The following CPLANE1 variants were observed in gnomAD, a reference collection of about 807,000 sequenced individuals.
CPLANE1 encodes the protein ciliogenesis and planar polarity effector 1.
In CPLANE1, 263 loss-of-function variants were observed where a neutral mutation model predicts 362.5. The ratio of observed to expected loss-of-function variants is 0.73; its 90% CI spans 0.66 to 0.80. The LOEUF (loss-of-function observed/expected upper bound fraction) is 0.80. Ranked by LOEUF, CPLANE1 falls within the 30% of genes least tolerant of loss-of-function variation. The pLI, the probability that CPLANE1 is intolerant of heterozygous loss-of-function variation, is 0.00. For missense variants in CPLANE1, 3,461 were observed against 3,793.4 expected (o/e 0.91, Z 2.30); for synonymous variants, 1,212 against 1,302.6 (o/e 0.93, Z 1.50).
intron 41 of CPLANE1, among the ~76,000 whole-genome samples, chr5:37,154,206 G>T (rs966948854): frequency 2.6e-5 from 4 of 152,112 alleles, no homozygotes; most frequent in African/African-American, 9.7e-5. Context: ...AAACAAGGAA[G>T]TCTGAATATT....
Position 37,183,690 on chromosome 5 carries a change from T to C in CPLANE1, c.4491A>G (p.Pro1497=). ...GAATTGATGTTAATTCCATGTGATT[T>C]GGGGCATTTCTATAGCAAAAAAATA... The part of the protein sequence containing the change: ...SRINIYQRNA[P]NHMELTSIHK... The change falls in exon 26 of 53, where the codon CCA becomes CCG. Residue 1497 remains proline, a synonymous_variant. Coordinates refer to ENST00000651892, the MANE Select transcript of CPLANE1 (RefSeq NM_001384732.1). 6.4e-7 allele frequency: 1 copy of C among 1,572,252 alleles called. No homozygotes were observed. Among genetic ancestry groups the C allele is most frequent in the Non-Finnish European group, 8.6e-7 (1 of 1,164,186 alleles).
chr5:37,168,863 G>A lies in CPLANE1; in HGVS notation c.7161C>T (p.Ile2387=). 6.2e-7 allele frequency: 1 copy of A among 1,614,024 alleles called. No homozygotes were observed. The highest frequency in any genetic ancestry group is 8.5e-7 in the Non-Finnish European group (1 of 1,179,924). Residue 2387 remains isoleucine, a synonymous_variant, in exon 34 of 53, where the codon ATC becomes ATT. Coordinates refer to ENST00000651892, the MANE Select transcript of CPLANE1 (RefSeq NM_001384732.1). ...RASITVPSTP[I]QPIAEERKYP... is the part of the protein sequence containing the mutation. The stretch of plus-strand genomic sequence containing the variant: ...ATTTTCTTTCTTCTGCTATAGGTTG[G>A]ATAGGTGTTGAGGGAACTGTAATAG...
At chr5:37,104,495 G>A (rs149117960), downstream of CPLANE1, among the ~76,000 whole-genome samples, 810 of 152,174 alleles carry the variant, frequency 5.3e-3, 9 homozygotes, top group African/African-American at 0.019. Flanking sequence ...AGCTACTCAG[G>A]AGGCTGAGAC....
the CPLANE1 span, among the ~76,000 whole-genome samples, chr5:37,077,399 C>T: frequency 3.9e-3 from 591 of 152,180 alleles, no homozygotes; most frequent in African/African-American, 0.013. Flanking sequence ...CACCCTGTTA[C>T]GTCTGTTGCT....
In CPLANE1 at chr5:37,120,248, A is replaced by G. The variant is rs1363467509; in HGVS notation, c.9278T>C (p.Phe3093Ser). 1.4e-5 allele frequency: 23 copies of G among 1,604,082 alleles called. No individual in the cohort carries two copies. Among genetic ancestry groups the G allele is most frequent in the Non-Finnish European group, 1.9e-5 (22 of 1,177,368 alleles). The change falls in exon 50 of 53, where the codon TTT becomes TCT. Residue 3093 changes from phenylalanine to serine, a missense_variant. By Grantham distance (155) the Phe-to-Ser change is radical (BLOSUM62 -2). Transcript: ENST00000651892. ...KPSYIHKRKS[F>S]GQPQGSPWPH... ...CCAAGGTGAGCCTTGAGGTTGCCCA[A>G]AAGACTTCCTCTTATGGATATAACT...
Position 37,106,795 on chromosome 5 carries a change from T to C in CPLANE1, c.*807A>G, listed in dbSNP as rs78011227. ...GCTTTTTCAGATGATAGTGTGCTTT[T>C]ATATTATACCAAACATTGATGAAGT... On this transcript the variant is annotated 3_prime_UTR_variant, in exon 53 of 53. Coordinates refer to ENST00000651892, the MANE Select transcript of CPLANE1 (RefSeq NM_001384732.1). 834 of 946,754 alleles carry C rather than the reference T, an allele frequency of 8.8e-4. 5 individuals are homozygous for C. The African/African-American group carries it at 0.013, about 15-fold the overall frequency. The allele number at this position is 946,754 out of a possible 1,614,324, so 58.6% of individuals were successfully genotyped here.
At chr5:37,206,452 T>C in intron 16 of CPLANE1, 27 bp from the exon 17 acceptor site, 1 of 1,381,280 alleles carries the variant, frequency 7.2e-7, no homozygotes, top group Non-Finnish European at 1.0e-6. Flanking sequence ...AAAAATGGAT[T>C]ATTACAATCA....
In CPLANE1 at chr5:37,170,140, T is replaced by C; in HGVS notation, c.6363A>G (p.Pro2121=). 1.2e-6 allele frequency: 2 copies of C among 1,614,204 alleles called. No individual in the cohort carries two copies. Among genetic ancestry groups the C allele is most frequent in the South Asian group, 1.1e-5 (1 of 91,078 alleles). ...KNLKERFFIK[P]QSMGENAREP... ...CTCTGGCGTTCTCTCCCATTGACTGTGGTTTAATAAAAAATCTCTCCTTAA... is the reference window on the plus strand; with the variant it reads ...CTCTGGCGTTCTCTCCCATTGACTGCGGTTTAATAAAAAATCTCTCCTTAA... Residue 2121 remains proline, a synonymous_variant, in exon 33 of 53, where the codon CCA becomes CCG. Coordinates refer to ENST00000651892, the MANE Select transcript of CPLANE1 (RefSeq NM_001384732.1).
intron 37 of CPLANE1, 83 bp from the exon 38 acceptor site, chr5:37,162,649 T>C: frequency 1.1e-6 from 1 of 907,334 alleles, no homozygotes; most frequent in Non-Finnish European, 1.7e-6. Context: ...CCTAACTCAA[T>C]GGAAGTAAAA....
chr5:37,177,298 A>C (rs904641127), intron 30 of CPLANE1, among the ~76,000 whole-genome samples: 2 of 152,250 alleles, frequency 1.3e-5, no homozygotes, highest in African/African-American at 4.8e-5. Flanking sequence ...ATTTGATTCA[A>C]TAAAAATGGA....
At position 37,165,570 on chromosome 5, in the gene CPLANE1, T is replaced by C. The variant is rs909137914; in HGVS notation, c.7502A>G (p.Asn2501Ser). ...TFRPENSIIN[N>S]DDSEIIKKPK... ...TTTCTTAATGATTTCTGAATCATCA[T>C]TATTAATTATGGAATTCTCTGGTCG... The change falls in exon 36 of 53, where the codon AAT becomes AGT. Residue 2501 changes from asparagine (N) to serine (S), a missense_variant. Asn to Ser is a conservative substitution (Grantham distance 46). Around this residue, in one of 2 missense-constraint regions of CPLANE1, gnomAD observed 3,380 missense variants for 3,666.1 expected, o/e 0.92. Transcript: ENST00000651892. The C allele has an allele frequency of 8.7e-6, 14 of 1,608,482 alleles. No homozygotes were observed. Among genetic ancestry groups the C allele is most frequent in the African/African-American group, 1.3e-5 (1 of 74,564 alleles).
Position 37,169,500 on chromosome 5 carries a change from G to T in CPLANE1, c.6524C>A (p.Pro2175Gln). The T allele has an allele frequency of 6.2e-7, 1 of 1,613,848 alleles. No homozygotes were observed. The highest frequency in any genetic ancestry group is 8.5e-7 in the Non-Finnish European group (1 of 1,179,900). Residue 2175 changes from proline to glutamine, a missense_variant, in exon 34 of 53, where the codon CCA becomes CAA. This residue lies in a region of CPLANE1 where 3,380 missense variants were observed against 3,666.1 expected (regional missense o/e 0.92). Transcript: ENST00000651892. Reference protein sequence around the residue: ...QLNGQPRKKGPIPSSQNLPST... With the variant: ...QLNGQPRKKGQIPSSQNLPST... Reference sequence around the variant, plus strand: ...TGGTAAGTTTTGAGATGATGGAATTGGTCCTTTTTTCCGGGGCTGGCCATT... The same window carrying T: ...TGGTAAGTTTTGAGATGATGGAATTTGTCCTTTTTTCCGGGGCTGGCCATT...
Position 37,201,819 on chromosome 5 carries a change from C to T in CPLANE1, c.3290-11G>A, listed in dbSNP as rs749769847. ...CCTCTTCAATGGGATCTATCAAATA[C>T]AAAAATTTGGTAAAATAGTTAAAGC... On this transcript the variant is annotated splice_polypyrimidine_tract_variant and intron_variant, in intron 18 of 52. Coordinates refer to ENST00000651892, the MANE Select transcript of CPLANE1 (RefSeq NM_001384732.1). 1.9e-6 allele frequency: 3 copies of T among 1,577,054 alleles called. No individual in the cohort carries two copies. Among genetic ancestry groups the T allele is most frequent in the East Asian group, 2.3e-5 (1 of 44,368 alleles).
chr5:37,247,624 C>T lies in CPLANE1; in HGVS notation c.75G>A (p.Leu25=). 6.5e-7 allele frequency: 1 copy of T among 1,550,158 alleles called. No homozygotes were observed. Among genetic ancestry groups the T allele is most frequent in the African/African-American group, 1.4e-5 (1 of 73,038 alleles). The change falls in exon 2 of 53, where the codon TTG becomes TTA. Residue 25 remains leucine (L), a synonymous_variant. Transcript: ENST00000651892. Reference sequence around the variant, plus strand: ...TGAATAAAGAAAAACCTACCTTTCCCAACCAGGAGACACGTGGCCATGGTT... The same window carrying T: ...TGAATAAAGAAAAACCTACCTTTCCTAACCAGGAGACACGTGGCCATGGTT... The part of the protein sequence containing the change: ...QKKPWPRVSW[L]GKEKEAVFLL...
intron 6 of CPLANE1, among the ~76,000 whole-genome samples, chr5:37,241,769 G>A (rs1008409373): frequency 6.6e-6 from 1 of 151,990 alleles, no homozygotes; most frequent in African/African-American, 2.4e-5. Context: ...TGGGACTATA[G>A]GCATGCGCCA....
chr5:37,111,575 G>T (rs1347399306), intron 51 of CPLANE1, among the ~76,000 whole-genome samples: 1 of 152,158 alleles, frequency 6.6e-6, no homozygotes, highest in Non-Finnish European at 1.5e-5. Flanking sequence ...GTGCCAAAGG[G>T]AAGGGTGCAG....
At position 37,221,423 on chromosome 5, in the gene CPLANE1, T is replaced by C. The variant is rs1176267069; in HGVS notation, c.2647A>G (p.Ser883Gly). 4.6e-6 allele frequency: 7 copies of C among 1,536,572 alleles called. No individual in the cohort carries two copies. The highest frequency in any genetic ancestry group is 6.1e-6 in the Non-Finnish European group (7 of 1,140,630). ...CCTTGAGCATCATTTAAATTATAGCTATAGAGGTGGCAGTATAAGAGAGAA... is the reference window on the plus strand; with the variant it reads ...CCTTGAGCATCATTTAAATTATAGCCATAGAGGTGGCAGTATAAGAGAGAA... Reference protein sequence around the residue: ...YLSLLYCHLYSYNLNDAQGLC... With the variant: ...YLSLLYCHLYGYNLNDAQGLC... Residue 883 changes from serine to glycine, a missense_variant, in exon 15 of 53, where the codon AGC becomes GGC. Transcript: ENST00000651892.
rs979311838 is a variant in CPLANE1, at chr5:37,227,295, G to A, written c.1469C>T (p.Pro490Leu). The A allele has an allele frequency of 3.9e-6, 6 of 1,551,992 alleles. No individual in the cohort carries two copies. Among genetic ancestry groups the A allele is most frequent in the African/African-American group, 1.4e-5 (1 of 73,032 alleles). ...TGTTTCTTCTGCCTGCAAGAATTTG[G>A]GGACAGTGAAATCGGCTGAACTTTC... Reference protein sequence around the residue: ...GNESSADFTVPKFLQAEETIN... With the variant: ...GNESSADFTVLKFLQAEETIN... Residue 490 changes from proline to leucine, a missense_variant, in exon 11 of 53, where the codon CCC (proline) becomes CTC (leucine). Pro to Leu is a moderately conservative substitution (Grantham distance 98, BLOSUM62 -3). This residue lies in a region of CPLANE1 where 3,380 missense variants were observed against 3,666.1 expected (regional missense o/e 0.92). Transcript: ENST00000651892.
intron 44 of CPLANE1, chr5:37,142,026 C>G: frequency 1.3e-6 from 1 of 794,192 alleles, no homozygotes; most frequent in Non-Finnish European, 1.5e-6. Flanking sequence ...TTTAATTTTT[C>G]AATTTTTGTA....
Sources: allele counts gnomAD v4.1 joint callset (sites outside exome capture counted in the v4.1 genomes callset), GRCh38; gene constraint gnomAD v4.1.1; regional missense constraint gnomAD v4.1.1; transcripts MANE v1.5; gene names NCBI Gene and HGNC (gene_info 2026-07-23, HGNC 2026-07-21).